SLC22A23: variants seen among roughly 807,000 people sequenced by gnomAD.
SLC22A23 encodes solute carrier family 22 member 23, also known as ion transporter protein.
SLC22A23 carries 26 observed loss-of-function variants against 61.0 expected under a neutral mutation model. The observed-to-expected ratio is 0.43, with a 90% confidence interval of 0.31 to 0.59. The LOEUF (loss-of-function observed/expected upper bound fraction) is 0.59. SLC22A23 is among the 20% of genes least tolerant of loss of function. SLC22A23 has a pLI of 0.11. For synonymous variants in SLC22A23, 430 were observed against 413.9 expected, an observed-to-expected ratio of 1.04 and a Z score of -0.47; for missense variants, 796 against 934.7, an observed-to-expected ratio of 0.85 and a Z score of 1.94.
chr6:3,323,616 C>A, intron 4 of SLC22A23: 2 of 622,690 alleles, frequency 3.2e-6, no homozygotes, highest in Middle Eastern at 4.5e-4. Context: ...GGGTGATGGG[C>A]TCATTCCACT....
chr6:3,434,482 G>A (rs1272803828), intron 1 of SLC22A23, among the ~76,000 whole-genome samples: 4 of 151,780 alleles, frequency 2.6e-5, no homozygotes, highest in Non-Finnish European at 4.4e-5. Context: ...GGTGGTACCC[G>A]CCTGTAGTCC....
rs566993160 is a variant in SLC22A23, at chr6:3,333,791, C to T, written c.914-9789G>A. ...GGCCACCACCTCAGAAACACAGAGT[C>T]GGGGCCCTTCTCAGTCCTACTGTAT... On this transcript the variant is annotated intron_variant, in intron 3 of 9. Coordinates refer to ENST00000406686, the MANE Select transcript of SLC22A23 (RefSeq NM_015482.2). This position sits in a 1 kb window ranked among gnomAD's most constrained non-coding sequence, Gnocchi z 4.1. 3.7e-4 allele frequency among the ~76,000 whole-genome samples: 57 copies of T among 152,304 alleles called. No individual in the cohort carries two copies. The South Asian group carries it at 5.6e-3, about 15-fold the overall frequency.
chr6:3,331,805 C>T (rs768966278), intron 3 of SLC22A23, among the ~76,000 whole-genome samples: 4 of 152,172 alleles, frequency 2.6e-5, no homozygotes, highest in Non-Finnish European at 4.4e-5. Context: ...AGGAGAGGAA[C>T]GACTTCAAAC....
chr6:3,405,575 A>G (rs893216129), intron 3 of SLC22A23, among the ~76,000 whole-genome samples: 4 of 151,198 alleles, frequency 2.6e-5, no homozygotes, highest in Non-Finnish European at 5.9e-5. Context: ...TCTTCATTCC[A>G]CACTTTGACA....
chr6:3,292,309 A>T (rs1301330181), intron 5 of SLC22A23, among the ~76,000 whole-genome samples: 1 of 152,212 alleles, frequency 6.6e-6, no homozygotes, highest in East Asian at 1.9e-4. Flanking sequence ...GATGGTTCTA[A>T]CACCCTCAAT....
intron 1 of SLC22A23, among the ~76,000 whole-genome samples, chr6:3,447,557 A>C (rs1349760438): frequency 6.6e-6 from 1 of 151,938 alleles, no homozygotes; most frequent in African/African-American, 2.4e-5. Flanking sequence ...AAATCTGTGA[A>C]AAGGAGGAGA....
chr6:3,444,663 C>G (rs1771790631), intron 1 of SLC22A23, among the ~76,000 whole-genome samples: 1 of 152,228 alleles, frequency 6.6e-6, no homozygotes, highest in Non-Finnish European at 1.5e-5. Flanking sequence ...GGAAGGTCCC[C>G]TGGCTTTCTG....
At chr6:3,295,337 G>A (rs927657637) in intron 5 of SLC22A23, among the ~76,000 whole-genome samples, 3 of 152,342 alleles carry the variant, frequency 2.0e-5, no homozygotes, top group East Asian at 1.9e-4. Context: ...AGTGTGCACC[G>A]GGAGGGACCT....
rs1764234356 is a variant in SLC22A23, at chr6:3,342,994, A to G, written c.914-18992T>C. ...AAATACACGGGGGAAATAATATAAG[A>G]GAAGGTTTGTTTTAGTAAGGTGTGT... On this transcript the variant is annotated intron_variant, in intron 3 of 9. Coordinates refer to ENST00000406686, the MANE Select transcript of SLC22A23 (RefSeq NM_015482.2). The surrounding 1 kb of genome is among the most constrained non-coding windows in gnomAD (Gnocchi z 4.0). Among the ~76,000 whole-genome samples the G allele has an allele frequency of 6.6e-6, 1 of 152,178 alleles. No individual in the cohort carries two copies. The highest frequency in any genetic ancestry group is 2.1e-4 in the South Asian group (1 of 4,826).
At chr6:3,379,488 C>G (rs1766815688) in intron 3 of SLC22A23, among the ~76,000 whole-genome samples, 1 of 152,142 alleles carries the variant, frequency 6.6e-6, no homozygotes, top group Non-Finnish European at 1.5e-5. Flanking sequence ...AGGCTTTACA[C>G]TTGCAGGGCT....
intron 5 of SLC22A23, among the ~76,000 whole-genome samples, chr6:3,295,327 AGT>A: frequency 6.6e-6 from 1 of 152,152 alleles, no homozygotes; most frequent in East Asian, 1.9e-4. Flanking sequence ...GAGGACAGGG[AGT>A]GTGCACCGGG....
rs1421512554 is a variant in SLC22A23 at position 3,456,642 on chromosome 6, G to C, written c.-83C>G. The C allele has an allele frequency of 9.0e-5, 81 of 896,908 alleles. No individual in the cohort carries two copies. The highest frequency in any genetic ancestry group is 1.0e-4 in the Non-Finnish European group (78 of 752,206). 55.6% of individuals were successfully genotyped at this position (896,908 alleles called of 1,614,324 possible). ...GCCCCGGGCACAGCGCGCCGGGCCA[G>C]GCGCCTGCAGCCGCTGCCGCCGAGG... On this transcript the variant is annotated 5_prime_UTR_variant, in exon 1 of 10. Transcript: ENST00000406686. The surrounding 1 kb of genome is among the most constrained non-coding windows in gnomAD (Gnocchi z 7.1).
chr6:3,362,760 CAGAAGCAGGT>C (rs916132070), intron 3 of SLC22A23, among the ~76,000 whole-genome samples: 260 of 152,176 alleles, frequency 1.7e-3, no homozygotes, highest in African/African-American at 6.2e-3. Flanking sequence ...CTGCAGGTCC[CAGAAGCAGGT>C]AGACCTCCAG....
intron 5 of SLC22A23, among the ~76,000 whole-genome samples, chr6:3,296,974 G>A (rs1173863143): frequency 6.6e-6 from 1 of 152,136 alleles, no homozygotes; most frequent in Non-Finnish European, 1.5e-5. Flanking sequence ...CCTCACTCAG[G>A]CCCCTGCACC....
At chr6:3,277,820 C>T (rs570096766) in intron 9 of SLC22A23, among the ~76,000 whole-genome samples, 2 of 152,362 alleles carry the variant, frequency 1.3e-5, no homozygotes, top group South Asian at 4.1e-4. Context: ...GTACAAATAA[C>T]GTACTTTTTA....
intron 3 of SLC22A23, among the ~76,000 whole-genome samples, chr6:3,389,210 G>A (rs1268416679): frequency 3.0e-5 from 4 of 132,566 alleles, no homozygotes; most frequent in Non-Finnish European, 6.2e-5. Flanking sequence ...GGAGGTTGCA[G>A]TGAGCCAAGA....
intron 3 of SLC22A23, among the ~76,000 whole-genome samples, chr6:3,332,085 C>T (rs149333256): frequency 2.6e-5 from 4 of 152,194 alleles, no homozygotes; most frequent in African/African-American, 7.2e-5. Flanking sequence ...GCCTCACAGG[C>T]CTTCAGATTT....
chr6:3,372,768 C>G lies in SLC22A23; in HGVS notation c.913+37420G>C, dbSNP rs950813945. ...GGACAATCTAGGCCAACATTCTCTT[C>G]CAAATTCTGACTTGTTTTTATTTCA... On this transcript the variant is annotated intron_variant, in intron 3 of 9. Transcript: ENST00000406686. The surrounding 1 kb of genome is among the most constrained non-coding windows in gnomAD (Gnocchi z 4.7). Among the ~76,000 whole-genome samples, 2 of 152,236 alleles carry G rather than the reference C, an allele frequency of 1.3e-5. No individual in the cohort carries two copies. The highest frequency in any genetic ancestry group is 4.8e-5 in the African/African-American group (2 of 41,464).
chr6:3,369,784 G>A (rs1329283464), intron 3 of SLC22A23, among the ~76,000 whole-genome samples: 2 of 152,178 alleles, frequency 1.3e-5, no homozygotes, highest in East Asian at 3.8e-4. Flanking sequence ...CCCAAAAACT[G>A]TTGAAATGCT....
Sources: gnomAD v4.1 joint callset for allele counts (sites outside exome capture counted in the v4.1 genomes callset) on GRCh38, gnomAD v4.1.1 for gene constraint, Gnocchi (gnomAD v3.1) non-coding constraint, MANE v1.5 for transcripts, NCBI Gene and HGNC (gene_info 2026-07-23, HGNC 2026-07-21) for gene names.